The following OR3A2 variants were observed in gnomAD, a reference collection of about 807,000 sequenced individuals.
OR3A2 encodes olfactory receptor 3A2.
For synonymous variants in OR3A2, 126 were observed against 159.3 expected (o/e 0.79, Z 1.57); for missense variants, 318 against 392.8 (o/e 0.81, Z 1.61).
intron 2 of OR3A2, among the ~76,000 whole-genome samples, chr17:3,342,539 A>C (rs917305920): frequency 6.6e-6 from 1 of 152,110 alleles, no homozygotes; most frequent in African/African-American, 2.4e-5. Flanking sequence ...CAGGTCTGTT[A>C]GAGTTTGCCG....
At chr17:3,359,105 G>C (rs2049488160) in intron 2 of OR3A2, among the ~76,000 whole-genome samples, 1 of 151,698 alleles carries the variant, frequency 6.6e-6, no homozygotes, top group Non-Finnish European at 1.5e-5. Flanking sequence ...TGCAACCCCT[G>C]CTTCCTTTTT....
At position 3,361,252 on chromosome 17, in the gene OR3A2, G is replaced by A. The variant is rs1283265510; in HGVS notation, c.-179+22552C>T. The stretch of plus-strand genomic sequence containing the variant: ...GTGTATAAGAATGCTTGTGATTTTT[G>A]TACATTGATTTTGTATCCTGAGACT... On this transcript the variant is annotated intron_variant, in intron 2 of 4. Coordinates refer to the OR3A2 transcript ENST00000573491. Among the ~76,000 whole-genome samples, 6 of 150,336 alleles carry A rather than the reference G, an allele frequency of 4.0e-5. 1 individual carries two copies. Among genetic ancestry groups the A allele is most frequent in the African/African-American group, 1.5e-4 (6 of 39,916 alleles).
chr17:3,332,867 T>C (rs1156586405), intron 3 of OR3A2, among the ~76,000 whole-genome samples: 3 of 152,228 alleles, frequency 2.0e-5, no homozygotes, highest in African/African-American at 4.8e-5. Context: ...AAGCAGAGAA[T>C]GTACGTCACC....
intron 3 of OR3A2, among the ~76,000 whole-genome samples, chr17:3,308,166 T>C (rs1291530664): frequency 2.0e-5 from 3 of 152,220 alleles, no homozygotes; most frequent in African/African-American, 4.8e-5. Flanking sequence ...ATTATGTCTT[T>C]GGCAAAGGCA....
At chr17:3,345,446 C>G (rs2625452) in intron 2 of OR3A2, among the ~76,000 whole-genome samples, 4 of 115,520 alleles carry the variant, frequency 3.5e-5, no homozygotes, top group East Asian at 3.4e-4. Context: ...GAGATAGAGA[C>G]AGAGAGAGAG....
At chr17:3,292,564 C>G (rs2048886081) in intron 3 of OR3A2, 21 of 1,608,128 alleles carry the variant, frequency 1.3e-5, no homozygotes, top group Non-Finnish European at 1.8e-5. Flanking sequence ...GTTCCATTGG[C>G]CCCAGATTCT....
At chr17:3,385,624 T>C (rs2049771015) in intron 1 of OR3A2, among the ~76,000 whole-genome samples, 1 of 152,122 alleles carries the variant, frequency 6.6e-6, no homozygotes, top group Non-Finnish European at 1.5e-5. Flanking sequence ...AAACTGAGGC[T>C]CAGAAAGGTC....
intron 2 of OR3A2, among the ~76,000 whole-genome samples, chr17:3,342,384 T>G (rs780434201): frequency 2.6e-5 from 4 of 152,222 alleles, no homozygotes; most frequent in Non-Finnish European, 5.9e-5. Context: ...CTCCTCTGGT[T>G]TCTCCCCATC....
At chr17:3,368,837 T>C (rs1446039821) in intron 2 of OR3A2, among the ~76,000 whole-genome samples, 1 of 152,220 alleles carries the variant, frequency 6.6e-6, no homozygotes, top group Non-Finnish European at 1.5e-5. Context: ...GGTATGGTCA[T>C]TTTCACAATA....
intron 3 of OR3A2, among the ~76,000 whole-genome samples, chr17:3,331,658 G>C (rs1476412224): frequency 6.6e-6 from 1 of 151,462 alleles, no homozygotes; most frequent in Non-Finnish European, 1.5e-5. Context: ...CCTTTGGTTT[G>C]AATGTCCTCC....
chr17:3,381,677 G>T (rs2049737737), intron 2 of OR3A2, among the ~76,000 whole-genome samples: 1 of 152,212 alleles, frequency 6.6e-6, no homozygotes, highest in African/African-American at 2.4e-5. Flanking sequence ...GCTCAAAGAG[G>T]TTAAGAAGCT....
rs866040897 is a variant in OR3A2, at chr17:3,372,098, C to T, written c.-179+11706G>A. ...AGTTGCCAGGCGGAGGGTCTCCTCTCTTCTCAGACGGGGCGGCCAGGCAGA... is the reference window on the plus strand; with the variant it reads ...AGTTGCCAGGCGGAGGGTCTCCTCTTTTCTCAGACGGGGCGGCCAGGCAGA... On this transcript the variant is annotated intron_variant, in intron 2 of 4. Transcript: ENST00000573491. Among the ~76,000 whole-genome samples the T allele has an allele frequency of 9.3e-4, 138 of 148,198 alleles. 2 individuals are homozygous for T. Among genetic ancestry groups the T allele is most frequent in the African/African-American group, 3.1e-3 (124 of 39,472 alleles).
intron 2 of OR3A2, among the ~76,000 whole-genome samples, chr17:3,378,010 C>G (rs2049698867): frequency 6.6e-6 from 1 of 152,168 alleles, no homozygotes; most frequent in Non-Finnish European, 1.5e-5. Context: ...AATGAAAGCA[C>G]CATCTGATTG....
rs555182476 is a variant in OR3A2, at chr17:3,318,083, C to A, written c.-85+17950G>T. Among the ~76,000 whole-genome samples, 121 of 152,298 alleles carry A rather than the reference C, an allele frequency of 7.9e-4. 1 individual carries two copies. The highest frequency in any genetic ancestry group is 2.8e-3 in the African/African-American group (118 of 41,572). ...AGGGTCTCGGGAGATATCTATCCAG[C>A]AAGTCTTCAAAGAAAGGTTCCCACA... On this transcript the variant is annotated intron_variant, in intron 3 of 4. Transcript: ENST00000573491.
At chr17:3,358,778 A>G (rs1220572856) in intron 2 of OR3A2, among the ~76,000 whole-genome samples, 1 of 151,754 alleles carries the variant, frequency 6.6e-6, no homozygotes, top group African/African-American at 2.4e-5. Flanking sequence ...AGAGTTTTGT[A>G]TAGAAGTCTA....
chr17:3,287,721 G>A (rs804237), upstream of OR3A2, among the ~76,000 whole-genome samples: 74,003 of 151,908 alleles, frequency 0.49, 19,769 homozygotes, highest in East Asian at 0.93. Context: ...TGTTTGATAG[G>A]TAATTCTCTT....
At chr17:3,371,366 CG>C (rs1200280662) in intron 2 of OR3A2, among the ~76,000 whole-genome samples, 2 of 148,938 alleles carry the variant, frequency 1.3e-5, no homozygotes, top group South Asian at 2.1e-4. Flanking sequence ...GCTGGCCGGG[CG>C]GGGGGCTGAC....
rs113490589 is a variant in OR3A2 at position 3,366,460 on chromosome 17, T to C, written c.-179+17344A>G. The stretch of plus-strand genomic sequence containing the variant: ...AGAAAATTCAGCTTGTCATTTATCA[T>C]ACCACAGTTCCTGGATGCCACAAAA... On this transcript the variant is annotated intron_variant, in intron 2 of 4. Coordinates refer to the OR3A2 transcript ENST00000573491. 2.4e-3 allele frequency among the ~76,000 whole-genome samples: 373 copies of C among 152,340 alleles called. 1 individual carries two copies. Among genetic ancestry groups the C allele is most frequent in the Non-Finnish European group, 4.2e-3 (289 of 68,022 alleles).
At chr17:3,352,764 T>G (rs1225632063) in intron 2 of OR3A2, among the ~76,000 whole-genome samples, 1 of 151,894 alleles carries the variant, frequency 6.6e-6, no homozygotes, top group African/African-American at 2.4e-5. Flanking sequence ...ATTTTAGGAT[T>G]TTTTTCTATT....
Sources: allele counts gnomAD v4.1 joint callset (sites outside exome capture counted in the v4.1 genomes callset), GRCh38; gene constraint gnomAD v4.1.1; transcripts MANE v1.5; gene names NCBI Gene and HGNC (gene_info 2026-07-23, HGNC 2026-07-21).